TAFA5: variants seen among roughly 807,000 people sequenced by gnomAD.
TAFA5 encodes chemokine-like protein TAFA-5.
In TAFA5, 6 loss-of-function variants were observed where a neutral mutation model predicts 15.3. The ratio of observed to expected loss-of-function variants is 0.39; its 90% CI spans 0.21 to 0.77. TAFA5 has a LOEUF of 0.77. Ranked by LOEUF, TAFA5 falls within the 30% of genes least tolerant of loss-of-function variation. TAFA5 has a pLI of 0.41. For missense variants in TAFA5, 161 were observed against 193.1 expected (o/e 0.83, Z 0.98); for synonymous variants, 103 against 80.7 (o/e 1.28, Z -1.48).
chr22:48,716,239 T>G (rs1414961276), intron 3 of TAFA5, among the ~76,000 whole-genome samples: 5 of 152,182 alleles, frequency 3.3e-5, no homozygotes, highest in Non-Finnish European at 7.3e-5. Context: ...TGCAGCACTA[T>G]TTACAATAGC....
intron 1 of TAFA5, among the ~76,000 whole-genome samples, chr22:48,615,746 C>T (rs920732499): frequency 2.6e-5 from 4 of 152,210 alleles, no homozygotes; most frequent in South Asian, 2.1e-4. Context: ...AAGGCAATGC[C>T]TCTTCCACTG....
At chr22:48,545,238 T>A (rs1163159051) in intron 1 of TAFA5, 1 of 271,796 alleles carries the variant, frequency 3.7e-6, no homozygotes, top group East Asian at 8.4e-5. Flanking sequence ...CGTGCCATGC[T>A]GCCATTTGGC....
At chr22:48,631,241 G>C (rs974586468) in intron 1 of TAFA5, among the ~76,000 whole-genome samples, 1 of 152,212 alleles carries the variant, frequency 6.6e-6, no homozygotes, top group Non-Finnish European at 1.5e-5. Context: ...AGGCCAGGGT[G>C]AAGTGGGCAA....
intron 3 of TAFA5, among the ~76,000 whole-genome samples, chr22:48,709,912 A>G (rs1929200561): frequency 6.6e-6 from 1 of 152,266 alleles, no homozygotes; most frequent in African/African-American, 2.4e-5. Context: ...CCTTACCTGG[A>G]GGCTGCTGGC....
intron 1 of TAFA5, among the ~76,000 whole-genome samples, chr22:48,608,430 T>G (rs903398021): frequency 3.3e-5 from 5 of 149,848 alleles, no homozygotes; most frequent in African/African-American, 7.3e-5. Flanking sequence ...ATACTGTTGG[T>G]TTTTTTTTTC....
intron 1 of TAFA5, among the ~76,000 whole-genome samples, chr22:48,553,622 G>A (rs909647243): frequency 4.6e-5 from 7 of 152,166 alleles, no homozygotes; most frequent in Non-Finnish European, 1.0e-4. Context: ...TCCCCCACCC[G>A]GGGCCCAGAC....
chr22:48,650,646 G>A lies in TAFA5; in HGVS notation c.262+3900G>A, dbSNP rs17223405. ...CTTGTCTCTGAGCTAAAGCATTTCTGGGTGAACCATGTCCCTGCCTGTACA... is the reference window on the plus strand; with the variant it reads ...CTTGTCTCTGAGCTAAAGCATTTCTAGGTGAACCATGTCCCTGCCTGTACA... On this transcript the variant is annotated intron_variant, in intron 2 of 3. Coordinates refer to ENST00000402357, the MANE Select transcript of TAFA5 (RefSeq NM_001082967.3). Among the ~76,000 whole-genome samples, 391 of 152,302 alleles carry A rather than the reference G, an allele frequency of 2.6e-3. 13 individuals carry two copies. In the East Asian group the frequency reaches 0.061, roughly 24 times the overall value.
At chr22:48,730,908 TC>T (rs1332576835) in intron 3 of TAFA5, among the ~76,000 whole-genome samples, 7 of 152,140 alleles carry the variant, frequency 4.6e-5, no homozygotes, top group African/African-American at 1.2e-4. Flanking sequence ...GGAAGAGGCG[TC>T]CGTCTCTCAC....
chr22:48,724,117 G>A (rs1462093922), intron 3 of TAFA5, among the ~76,000 whole-genome samples: 4 of 152,072 alleles, frequency 2.6e-5, no homozygotes, highest in Admixed American at 1.3e-4. Flanking sequence ...GGTTCTCGTT[G>A]CATTGCTGCA....
In TAFA5 at chr22:48,596,965, G is replaced by A. The variant is rs913871631; in HGVS notation, c.113-49632G>A. Among the ~76,000 whole-genome samples the A allele has an allele frequency of 8.1e-4, 123 of 152,160 alleles. No individual in the cohort carries two copies. In the Middle Eastern group the frequency reaches 0.01, roughly 13 times the overall value. ...TGGGATCACAGGTGTGCACCCCCAC[G>A]CTTGACTAGTTTTTGTATTTTGTAG... On this transcript the variant is annotated intron_variant, in intron 1 of 3. Transcript: ENST00000402357.
intron 1 of TAFA5, among the ~76,000 whole-genome samples, chr22:48,542,394 T>A (rs1160472275): frequency 8.1e-6 from 1 of 122,714 alleles, no homozygotes; most frequent in Non-Finnish European, 1.7e-5. Context: ...GTGTGTGGTG[T>A]GTGTGTGCGT....
intron 1 of TAFA5, among the ~76,000 whole-genome samples, chr22:48,608,153 G>A (rs1925268398): frequency 8.5e-6 from 1 of 118,032 alleles, no homozygotes; most frequent in African/African-American, 3.4e-5. Flanking sequence ...CGGGGGTCTT[G>A]GTCTCTTTTC....
chr22:48,553,481 G>A (rs1922926622), intron 1 of TAFA5, among the ~76,000 whole-genome samples: 1 of 152,212 alleles, frequency 6.6e-6, no homozygotes, highest in African/African-American at 2.4e-5. Flanking sequence ...CACCCAGGAG[G>A]AGGATGGGGT....
intron 1 of TAFA5, among the ~76,000 whole-genome samples, chr22:48,637,213 C>T (rs117604295): frequency 0.027 from 4,182 of 152,230 alleles, 108 homozygotes; most frequent in South Asian, 0.08. Context: ...GCTCCTGGTG[C>T]GTGCCTGTGT....
chr22:48,546,283 C>T (rs987238643), intron 1 of TAFA5, among the ~76,000 whole-genome samples: 7 of 152,220 alleles, frequency 4.6e-5, no homozygotes, highest in Admixed American at 2.0e-4. Context: ...TGCCGGCGTG[C>T]GCTGACGGCA....
chr22:48,685,933 G>C (rs1928338840), intron 2 of TAFA5, among the ~76,000 whole-genome samples: 1 of 146,092 alleles, frequency 6.8e-6, no homozygotes, highest in Non-Finnish European at 1.5e-5. Flanking sequence ...TGCGCCCCGG[G>C]AGTACACACA....
chr22:48,569,935 C>T (rs1016397158), intron 1 of TAFA5, among the ~76,000 whole-genome samples: 1 of 152,244 alleles, frequency 6.6e-6, no homozygotes, highest in Non-Finnish European at 1.5e-5. Context: ...GGATTTACCC[C>T]AATGTCCTGG....
In TAFA5 at chr22:48,509,296, G is replaced by T. The variant is rs530313915; in HGVS notation, c.112+19592G>T. Among the ~76,000 whole-genome samples the T allele has an allele frequency of 3.2e-4, 48 of 152,274 alleles. No individual in the cohort carries two copies. The South Asian group carries it at 9.3e-3, about 30-fold the overall frequency. On this transcript the variant is annotated intron_variant, in intron 1 of 3. Coordinates refer to ENST00000402357, the MANE Select transcript of TAFA5 (RefSeq NM_001082967.3). ...GAGGCTGAGGCTGCCCTTTTCACGT[G>T]CTGCTTTCCTTTCCTTTGGATAAAT... is the stretch of plus-strand genomic sequence containing the variant.
Position 48,671,613 on chromosome 22 carries a change from C to T in TAFA5, c.262+24867C>T, listed in dbSNP as rs17223559. 2.8e-3 allele frequency among the ~76,000 whole-genome samples: 433 copies of T among 152,258 alleles called. 15 individuals are homozygous for T. In the East Asian group the frequency reaches 0.063, roughly 22 times the overall value. ...GAGAGGAACCTGCCATCCCAGTCAG[C>T]GAGCCTGAGTTTAAACCAGACATGA... On this transcript the variant is annotated intron_variant, in intron 2 of 3. Coordinates refer to ENST00000402357, the MANE Select transcript of TAFA5 (RefSeq NM_001082967.3).
Sources: gnomAD v4.1 joint callset for allele counts (sites outside exome capture counted in the v4.1 genomes callset) on GRCh38, gnomAD v4.1.1 for gene constraint, MANE v1.5 for transcripts, NCBI Gene and HGNC (gene_info 2026-07-23, HGNC 2026-07-21) for gene names.